Variants in ESPL1 observed in about 807,000 individuals in gnomAD.
ESPL1 encodes the protein separin.
A neutral mutation model predicts 217.2 loss-of-function variants in ESPL1; 50 were observed. The ratio of observed to expected loss-of-function variants is 0.23; its 90% confidence interval spans 0.18 to 0.29. The LOEUF is 0.29. Among genes scored for constraint, ESPL1 ranks in the 10% least tolerant of loss-of-function variants. The pLI, the probability that ESPL1 is intolerant of heterozygous loss-of-function variation, is 1.00. For synonymous variants in ESPL1, 994 were observed against 1,081.3 expected (o/e 0.92, Z 1.58); for missense variants, 1,834 against 2,603.0 (o/e 0.70, Z 6.43).
chr12:53,291,745 AC>A lies in ESPL1; in HGVS notation c.5577del (p.Tyr1859Ter). On this transcript the variant is annotated frameshift_variant, in exon 26 of 31. Coordinates refer to ENST00000257934, the MANE Select transcript of ESPL1 (RefSeq NM_012291.5). LOFTEE classifies it high-confidence loss of function. The part of the protein sequence containing the change: ...LTPQDIQALA[Y>X]GLCPTQPERA... ...CCTCAGGACATTCAGGCCCTGGCCT[AC>A]GGGCTGTGCCCAACCCAGCCAGAGC... The A allele has an allele frequency of 6.2e-7, 1 of 1,613,978 alleles. No homozygotes were observed. Among genetic ancestry groups the A allele is most frequent in the Non-Finnish European group, 8.5e-7 (1 of 1,179,940 alleles).
At position 53,286,919 on chromosome 12, in the gene ESPL1, T is replaced by TG; in HGVS notation, c.4176+10dup. On this transcript the variant is annotated splice_region_variant and intron_variant, in intron 18 of 30. Transcript: ENST00000257934. The surrounding 1 kb of genome is among the most constrained non-coding windows in gnomAD (Gnocchi z 5.3). ...AGTCCAGACGCGCCTCAAGGTGAGG[T>TG]GGGACTGTTGCTAGGTGGTGGTGAT... The TG allele has an allele frequency of 6.3e-7, 1 of 1,578,026 alleles. No individual in the cohort carries two copies. Among genetic ancestry groups the TG allele is most frequent in the Non-Finnish European group, 8.6e-7 (1 of 1,162,908 alleles).
At chr12:53,284,235 T>C (rs528237664) in intron 17 of ESPL1, 68 bp downstream of exon 17, 547 of 986,938 alleles carry the variant, frequency 5.5e-4, no homozygotes, top group Admixed American at 1.1e-3. Flanking sequence ...CATCTTTCTA[T>C]GTAAAGGTTT....
Position 53,270,420 on chromosome 12 carries a change from A to G in ESPL1, c.1186A>G (p.Met396Val). 6.2e-7 allele frequency: 1 copy of G among 1,613,922 alleles called. No individual in the cohort carries two copies. Among genetic ancestry groups the G allele is most frequent in the Non-Finnish European group, 8.5e-7 (1 of 1,179,922 alleles). ...SSKQQQSFLQ[M>V]YFQGLHLYTV... ...CAAGCAACAGCAGTCTTTTCTTCAG[A>G]TGTACTTTCAGGGACTTCACCTCTA... The change falls in exon 4 of 31, where the codon ATG becomes GTG. Residue 396 changes from methionine (M) to valine (V), a missense_variant. Physicochemically the swap from Met to Val is conservative, Grantham distance 21 (BLOSUM62 1). Around this residue, in one of 5 missense-constraint regions of ESPL1, gnomAD observed 746 missense variants for 1,077.0 expected, o/e 0.69. Transcript: ENST00000257934.
intron 17 of ESPL1, among the ~76,000 whole-genome samples, 163 bp from the exon 18 acceptor site, chr12:53,285,761 C>G (rs1943937313): frequency 6.6e-6 from 1 of 151,892 alleles, no homozygotes. Context: ...ATAAGCCATA[C>G]TAATATTTGA....
intron 6 of ESPL1, chr12:53,274,559 A>G (rs1943731321): frequency 2.7e-6 from 1 of 371,792 alleles, no homozygotes; most frequent in African/African-American, 2.2e-5. Flanking sequence ...ATTTGCTGAG[A>G]AGGATTACAG....
chr12:53,277,665 A>G, intron 10 of ESPL1, 57 bp downstream of exon 10: 1 of 1,599,710 alleles, frequency 6.3e-7, no homozygotes, highest in Non-Finnish European at 8.5e-7. Flanking sequence ...AGAGTGGAAC[A>G]GGGACCCCTG....
Position 53,291,548 on chromosome 12 carries a change from G to A in ESPL1, c.5521-142G>A, listed in dbSNP as rs551863487. 2.2e-4 allele frequency: 184 copies of A among 839,226 alleles called. No homozygotes were observed. The African/African-American group carries it at 2.7e-3, about 12-fold the overall frequency. The allele number at this position is 839,226 out of a possible 1,614,324, so 52.0% of individuals were successfully genotyped here. A position where few individuals can be genotyped will look rare whatever the true frequency, so the allele number is the denominator to read the frequency against. On this transcript the variant is annotated intron_variant, in intron 25 of 30. Coordinates refer to ENST00000257934, the MANE Select transcript of ESPL1 (RefSeq NM_012291.5). Reference sequence around the variant, plus strand: ...GGAGGTTGCAGTGAGCTGAGATTGCGCCACTGCACTCCAGCCTGGGCGACA... The same window carrying A: ...GGAGGTTGCAGTGAGCTGAGATTGCACCACTGCACTCCAGCCTGGGCGACA...
At position 53,269,062 on chromosome 12, in the gene ESPL1, C is replaced by G; in HGVS notation, c.120C>G (p.Ser40Arg). ...ACCCTCCAGCTGGTTTTCCCAGCAG[C>G]CGATCTGATGCTGAGAGGAGACAAG... is the stretch of plus-strand genomic sequence containing the variant. ...LSNPPAGFPSSRSDAERRQAC... is the reference protein window; with the variant it reads ...LSNPPAGFPSRRSDAERRQAC... Residue 40 changes from serine (S) to arginine (R), a missense_variant, in exon 3 of 31, where the codon AGC becomes AGG. Coordinates refer to ENST00000257934, the MANE Select transcript of ESPL1 (RefSeq NM_012291.5). This position sits in a 1 kb window ranked among gnomAD's most constrained non-coding sequence, Gnocchi z 6.7. 2 of 1,613,350 alleles carry G rather than the reference C, an allele frequency of 1.2e-6. No individual in the cohort carries two copies. Among genetic ancestry groups the G allele is most frequent in the Non-Finnish European group, 1.7e-6 (2 of 1,179,586 alleles).
intron 25 of ESPL1, 54 bp from the exon 26 acceptor site, chr12:53,291,636 T>C (rs1944061852): frequency 1.9e-6 from 3 of 1,554,094 alleles, no homozygotes; most frequent in Admixed American, 3.9e-5. Context: ...CTTAATCCTT[T>C]CCCAGCAGCT....
chr12:53,288,374 GT>G, intron 19 of ESPL1, 33 bp downstream of exon 19: 1 of 1,557,724 alleles, frequency 6.4e-7, no homozygotes, highest in South Asian at 1.2e-5. Context: ...GAAGGTGCAT[GT>G]TTTGGGGGTT....
At chr12:53,271,620 C>T (rs973457426) in intron 5 of ESPL1, among the ~76,000 whole-genome samples, 1 of 151,258 alleles carries the variant, frequency 6.6e-6, no homozygotes, top group Non-Finnish European at 1.5e-5. Flanking sequence ...AAGATTGCAC[C>T]ACTGCACTCC....
chr12:53,285,412 G>C (rs561542251), intron 17 of ESPL1, among the ~76,000 whole-genome samples: 2 of 152,334 alleles, frequency 1.3e-5, no homozygotes, highest in African/African-American at 4.8e-5. Flanking sequence ...CTGCAGGTGT[G>C]GGGGCTTTGT....
chr12:53,279,576 T>A, intron 11 of ESPL1, 156 bp from the exon 12 acceptor site: 1 of 811,708 alleles, frequency 1.2e-6, no homozygotes, highest in Non-Finnish European at 2.0e-6. Context: ...TTTAAAACAG[T>A]AGGGGTGGGG....
At position 53,289,384 on chromosome 12, in the gene ESPL1, C is replaced by T. The variant is rs375899895; in HGVS notation, c.4923-20C>T. Reference sequence around the variant, plus strand: ...GACTTTGAAGGAATGGGACCTCACCCCTCCCCGTGTTGCTTGCAGCAAGGC... The same window carrying T: ...GACTTTGAAGGAATGGGACCTCACCTCTCCCCGTGTTGCTTGCAGCAAGGC... On this transcript the variant is annotated intron_variant, in intron 21 of 30. Coordinates refer to ENST00000257934, the MANE Select transcript of ESPL1 (RefSeq NM_012291.5). The T allele has an allele frequency of 4.3e-6, 7 of 1,611,356 alleles. No homozygotes were observed. The highest frequency in any genetic ancestry group is 5.1e-6 in the Non-Finnish European group (6 of 1,178,970).
intron 7 of ESPL1, 77 bp from the exon 8 acceptor site, chr12:53,276,543 T>C: frequency 6.9e-7 from 1 of 1,444,758 alleles, no homozygotes; most frequent in Non-Finnish European, 9.2e-7. Flanking sequence ...AGGCTGGGGC[T>C]CCTCAGCATG....
Position 53,286,979 on chromosome 12 carries a change from T to C in ESPL1, c.4176+67T>C, listed in dbSNP as rs995087822. 6 of 1,481,700 alleles carry C rather than the reference T, an allele frequency of 4.0e-6. No homozygotes were observed. In the African/African-American group the frequency reaches 8.4e-5, roughly 21 times the overall value. The allele number at this position is 1,481,700 out of a possible 1,614,324, so 91.8% of individuals were successfully genotyped here. A position where few individuals can be genotyped will look rare whatever the true frequency, so the allele number is the denominator to read the frequency against. ...TGGGGTTAGTCCTGGAGGAGAGTGT[T>C]TTATAGAGCAGGTGTCCCTGTGGAA... On this transcript the variant is annotated intron_variant, in intron 18 of 30. Transcript: ENST00000257934. The surrounding 1 kb of genome is among the most constrained non-coding windows in gnomAD (Gnocchi z 5.3).
chr12:53,285,976 G>A lies in ESPL1; in HGVS notation c.3240G>A (p.Gln1080=). The change falls in exon 18 of 31, where the codon CAG becomes CAA. Residue 1080 remains glutamine, a synonymous_variant. Transcript: ENST00000257934. ...HLDSVKKVHL[Q]KGKQQAQVPC... ...ACTCTGTGAAGAAGGTCCACCTGCA[G>A]AAGGGGAAGCAGCAGGCCCAGGTCC... 1.9e-6 allele frequency: 3 copies of A among 1,573,968 alleles called. No homozygotes were observed. The highest frequency in any genetic ancestry group is 2.6e-6 in the Non-Finnish European group (3 of 1,154,112).
rs1438794393 is a variant in ESPL1 at position 53,277,232 on chromosome 12, G to A, written c.2085+5G>A. 6.2e-7 allele frequency: 1 copy of A among 1,604,624 alleles called. No homozygotes were observed. The highest frequency in any genetic ancestry group is 1.1e-5 in the South Asian group (1 of 90,900). On this transcript the variant is annotated splice_donor_5th_base_variant and intron_variant, in intron 9 of 30. Transcript: ENST00000257934. The stretch of plus-strand genomic sequence containing the variant: ...CTGGAAGCCAAAATGCAGGAAGTGA[G>A]TGTGGCTGCTGTGGGGCTCACCAGA...
At chr12:53,281,134 C>CTTTT (rs71068103) in intron 12 of ESPL1, among the ~76,000 whole-genome samples, 2 of 72,400 alleles carry the variant, frequency 2.8e-5, no homozygotes, top group Non-Finnish European at 5.3e-5. Context: ...CTTTACTCCA[C>CTTTT]TTTTTTTTTT....
Sources: gnomAD v4.1 joint callset for allele counts (sites outside exome capture counted in the v4.1 genomes callset) on GRCh38, gnomAD v4.1.1 for gene constraint, gnomAD v4.1.1 regional missense constraint, Gnocchi (gnomAD v3.1) non-coding constraint, MANE v1.5 for transcripts, NCBI Gene and HGNC (gene_info 2026-07-23, HGNC 2026-07-21) for gene names.